The following NCOR2 variants were observed in gnomAD, a reference collection of about 807,000 sequenced individuals.
The protein encoded by NCOR2 is nuclear receptor corepressor 2.
In NCOR2, 81 loss-of-function variants were observed where a neutral mutation model predicts 262.9. The ratio of observed to expected loss-of-function variants is 0.31; its 90% CI spans 0.26 to 0.37. NCOR2 has a LOEUF of 0.37. Ranked by LOEUF, NCOR2 falls within the 10% of genes least tolerant of loss-of-function variation. The pLI, the probability that NCOR2 is intolerant of heterozygous loss-of-function variation, is 1.00. For synonymous variants in NCOR2, 1,659 were observed against 1,559.3 expected, an observed-to-expected ratio of 1.06 and a Z score of -1.51; for missense variants, 3,385 against 3,621.4, an observed-to-expected ratio of 0.93 and a Z score of 1.68.
At chr12:124,476,374 G>A (rs2047099038) in intron 3 of NCOR2, among the ~76,000 whole-genome samples, 1 of 152,158 alleles carries the variant, frequency 6.6e-6, no homozygotes, top group Admixed American at 6.5e-5. Flanking sequence ...GAGCCCGGTC[G>A]CACTACTGGT....
intron 1 of NCOR2, among the ~76,000 whole-genome samples, chr12:124,501,936 A>T (rs1240611692): frequency 1.3e-5 from 2 of 152,130 alleles, no homozygotes; most frequent in Non-Finnish European, 2.9e-5. Context: ...CCCGGGGGGA[A>T]CTCTGGGACA....
chr12:124,506,396 C>G (rs1196501743), intron 1 of NCOR2, among the ~76,000 whole-genome samples: 1 of 152,148 alleles, frequency 6.6e-6, no homozygotes, highest in Admixed American at 6.5e-5. Flanking sequence ...ATAATTGGAG[C>G]GTTCCTGTCC....
intron 1 of NCOR2, among the ~76,000 whole-genome samples, chr12:124,562,968 C>A (rs190464981): frequency 6.6e-6 from 1 of 152,302 alleles, no homozygotes; most frequent in East Asian, 1.9e-4. Context: ...GCAGCACCCC[C>A]ATTTTAGAGA....
intron 5 of NCOR2, among the ~76,000 whole-genome samples, chr12:124,459,736 G>A (rs1270370483): frequency 2.6e-5 from 4 of 152,278 alleles, no homozygotes; most frequent in South Asian, 4.1e-4. Flanking sequence ...GGGGAACGTG[G>A]ACGCAGGCCA....
At chr12:124,479,422 C>T (rs955247961) in intron 3 of NCOR2, among the ~76,000 whole-genome samples, 1 of 151,052 alleles carries the variant, frequency 6.6e-6, no homozygotes, top group East Asian at 2.0e-4. Context: ...CAGGTACATG[C>T]ACGCACACAG....
At chr12:124,364,347 G>A (rs2038849393) in intron 20 of NCOR2, among the ~76,000 whole-genome samples, 1 of 152,198 alleles carries the variant, frequency 6.6e-6, no homozygotes, top group Admixed American at 6.5e-5. Context: ...GCATGGAGCC[G>A]AATGAGCTCC....
At chr12:124,488,450 A>G (rs1291743579) in intron 1 of NCOR2, among the ~76,000 whole-genome samples, 3 of 152,192 alleles carry the variant, frequency 2.0e-5, no homozygotes, top group Non-Finnish European at 4.4e-5. Context: ...CCCAGCCCAG[A>G]TTAAAGGAGG....
At chr12:124,391,698 G>A (rs1401673614) in intron 16 of NCOR2, among the ~76,000 whole-genome samples, 2 of 152,092 alleles carry the variant, frequency 1.3e-5, no homozygotes, top group Non-Finnish European at 1.5e-5. Context: ...AATCAGCCTC[G>A]CTATCTGCCT....
exon 9 of NCOR2, chr12:124,430,670 C>T (rs775085808): frequency 1.2e-6 from 2 of 1,614,130 alleles, no homozygotes; most frequent in Non-Finnish European, 1.7e-6. Context: ...AACTGCTTCT[C>T]GTAGTACTCG....
At chr12:124,543,176 T>C (rs1271138649) in intron 1 of NCOR2, among the ~76,000 whole-genome samples, 1 of 152,002 alleles carries the variant, frequency 6.6e-6, no homozygotes, top group Non-Finnish European at 1.5e-5. Flanking sequence ...ATGGGATCAG[T>C]AGGGAGGTGG....
chr12:124,462,959 C>T (rs1444961279), intron 5 of NCOR2, among the ~76,000 whole-genome samples: 7 of 152,178 alleles, frequency 4.6e-5, no homozygotes, highest in African/African-American at 7.2e-5. Context: ...CCGCTTCCAT[C>T]AATCCTGCCT....
intron 13 of NCOR2, among the ~76,000 whole-genome samples, chr12:124,414,101 G>T (rs2042735839): frequency 6.6e-6 from 1 of 152,236 alleles, no homozygotes; most frequent in Admixed American, 6.5e-5. Flanking sequence ...CACAGGAGAG[G>T]CCTGTCCTAC....
intron 40 of NCOR2, 130 bp downstream of exon 42, chr12:124,335,005 C>G (rs1210108423): frequency 3.6e-5 from 51 of 1,414,792 alleles, no homozygotes; most frequent in Non-Finnish European, 4.4e-5. Context: ...CTGGATCCCC[C>G]CAGCGCCATG....
At chr12:124,339,879 AC>A (rs1177273646) in intron 37 of NCOR2, 126 bp downstream of exon 39, 2 of 1,083,446 alleles carry the variant, frequency 1.8e-6, no homozygotes, top group Admixed American at 2.2e-5. Flanking sequence ...CTATTCTTCT[AC>A]CCCCACACAT....
chr12:124,428,911 G>A (rs2043750320), intron 10 of NCOR2, among the ~76,000 whole-genome samples: 1 of 152,142 alleles, frequency 6.6e-6, no homozygotes, highest in Non-Finnish European at 1.5e-5. Flanking sequence ...GTCTCATCAT[G>A]GGTACCTGAC....
intron 42 of NCOR2, among the ~76,000 whole-genome samples, 157 bp from the exon 45 acceptor site, chr12:124,332,624 CT>C: frequency 6.6e-6 from 1 of 152,296 alleles, no homozygotes; most frequent in South Asian, 2.1e-4. Context: ...ATCACGGCTC[CT>C]GAAATCTCCT....
chr12:124,547,026 G>A (rs777108423), intron 1 of NCOR2, among the ~76,000 whole-genome samples: 6 of 152,032 alleles, frequency 3.9e-5, no homozygotes, highest in Non-Finnish European at 7.4e-5. Context: ...GTCTCGCTCT[G>A]TCGCCCAGGC....
chr12:124,497,284 C>T (rs987118550), upstream of NCOR2, among the ~76,000 whole-genome samples: 2 of 152,214 alleles, frequency 1.3e-5, no homozygotes, highest in African/African-American at 4.8e-5. This position sits in a 1 kb window ranked among gnomAD's most constrained non-coding sequence, Gnocchi z 4.2. Context: ...GTCCTGCCTG[C>T]GTGGGCTTTC....
chr12:124,335,899 C>A (rs929187342), intron 38 of NCOR2: 22 of 483,124 alleles, frequency 4.6e-5, no homozygotes, highest in African/African-American at 3.3e-4. Flanking sequence ...CAAGAAGGGA[C>A]AGAGATGGGT....
Sources: gnomAD v4.1 joint callset for allele counts (sites outside exome capture counted in the v4.1 genomes callset) on GRCh38, gnomAD v4.1.1 for gene constraint, Gnocchi (gnomAD v3.1) non-coding constraint, MANE v1.5 for transcripts, NCBI Gene and HGNC (gene_info 2026-07-23, HGNC 2026-07-21) for gene names.